PTPRT: variants seen among roughly 807,000 people sequenced by gnomAD.
The protein encoded by PTPRT is receptor-type tyrosine-protein phosphatase T.
A neutral mutation model predicts 176.8 loss-of-function variants in PTPRT; 56 were observed. The ratio of observed to expected loss-of-function variants is 0.32; its 90% CI spans 0.26 to 0.40. The LOEUF (loss-of-function observed/expected upper bound fraction) is 0.40. PTPRT is among the 10% of genes least tolerant of loss of function. PTPRT has a pLI of 1.00. For synonymous variants in PTPRT, 783 were observed against 739.0 expected (o/e 1.06, Z -0.96); for missense variants, 1,540 against 1,908.2 (o/e 0.81, Z 3.60).
At chr20:42,545,116 T>C (rs1421863095) in intron 7 of PTPRT, among the ~76,000 whole-genome samples, 1 of 152,198 alleles carries the variant, frequency 6.6e-6, no homozygotes, top group African/African-American at 2.4e-5. Context: ...ATTTAACTTC[T>C]GCCACTTCAG....
At chr20:42,920,616 A>G (rs1217996269) in intron 1 of PTPRT, among the ~76,000 whole-genome samples, 2 of 152,338 alleles carry the variant, frequency 1.3e-5, no homozygotes, top group African/African-American at 2.4e-5. Context: ...TCACATACAT[A>G]CAAAAAGATT....
In PTPRT at chr20:42,966,627, C is replaced by T. The variant is rs149503581; in HGVS notation, c.89-80695G>A. Among the ~76,000 whole-genome samples the T allele has an allele frequency of 5.1e-4, 78 of 152,302 alleles. 2 individuals are homozygous for T. In the East Asian group the frequency reaches 0.015, roughly 29 times the overall value. On this transcript the variant is annotated intron_variant, in intron 1 of 30. Transcript: ENST00000373187. ...GACGGTGGGTTTTAGAACATCTTCA[C>T]CTGGGTGTCAAGAGCAATCACATGT...
At chr20:42,364,077 A>G (rs6016761) in intron 9 of PTPRT, among the ~76,000 whole-genome samples, 11,243 of 152,150 alleles carry the variant, frequency 0.074, 591 homozygotes, top group African/African-American at 0.14. Flanking sequence ...AATCTGGAGA[A>G]TTAGGGGCGA....
Position 42,941,889 on chromosome 20 carries a change from T to G in PTPRT, c.89-55957A>C, listed in dbSNP as rs144791230. ...CAACATGATATTGGGCATGACATGC[T>G]TAAAAAGCATTGCTTTCAGTGGCCC... On this transcript the variant is annotated intron_variant, in intron 1 of 30. Transcript: ENST00000373187. 1.8e-3 allele frequency among the ~76,000 whole-genome samples: 275 copies of G among 152,280 alleles called. 1 individual carries two copies. The highest frequency in any genetic ancestry group is 6.5e-3 in the African/African-American group (269 of 41,554).
At chr20:42,516,485 C>T (rs993982552) in intron 7 of PTPRT, among the ~76,000 whole-genome samples, 13 of 152,090 alleles carry the variant, frequency 8.5e-5, no homozygotes, top group Non-Finnish European at 1.6e-4. Flanking sequence ...ACAGCTTGTT[C>T]ATTCTCTTTG....
chr20:42,800,754 G>A (rs972695434), intron 2 of PTPRT, among the ~76,000 whole-genome samples: 1 of 152,162 alleles, frequency 6.6e-6, no homozygotes, highest in Non-Finnish European at 1.5e-5. Context: ...GAAAGGGGGA[G>A]AAAAGACAGC....
chr20:42,389,852 C>T (rs903033373), intron 9 of PTPRT, among the ~76,000 whole-genome samples: 5 of 127,204 alleles, frequency 3.9e-5, no homozygotes, highest in Non-Finnish European at 8.5e-5. Context: ...AAAACCCTGT[C>T]AAAAAAAAAA....
intron 1 of PTPRT, among the ~76,000 whole-genome samples, chr20:43,125,252 G>A (rs527941584): frequency 3.1e-4 from 47 of 151,336 alleles, no homozygotes; most frequent in Non-Finnish European, 4.6e-4. Context: ...CACCCACCTC[G>A]GCCTCCCAAA....
At chr20:42,780,621 GC>G (rs2077201012) in intron 3 of PTPRT, among the ~76,000 whole-genome samples, 1 of 152,144 alleles carries the variant, frequency 6.6e-6, no homozygotes, top group African/African-American at 2.4e-5. Flanking sequence ...CAAGGGTCAA[GC>G]CACAACTTGA....
chr20:43,168,947 C>G (rs991037533), intron 1 of PTPRT, among the ~76,000 whole-genome samples: 2 of 152,210 alleles, frequency 1.3e-5, no homozygotes, highest in Non-Finnish European at 2.9e-5. Context: ...CTAACCCCCA[C>G]AGCAGACATG....
intron 11 of PTPRT, among the ~76,000 whole-genome samples, chr20:42,347,767 G>T (rs1307494507): frequency 6.6e-6 from 1 of 152,160 alleles, no homozygotes; most frequent in East Asian, 1.9e-4. Context: ...CCTGACTCCT[G>T]TCTCCTTGTT....
intron 6 of PTPRT, among the ~76,000 whole-genome samples, chr20:42,728,697 G>A (rs1373571572): frequency 6.6e-6 from 1 of 152,162 alleles, no homozygotes; most frequent in Non-Finnish European, 1.5e-5. Flanking sequence ...ACACGGAACT[G>A]AGCGAAGGGA....
chr20:42,140,312 G>A (rs1024432723), intron 18 of PTPRT, among the ~76,000 whole-genome samples: 2 of 152,076 alleles, frequency 1.3e-5, no homozygotes, highest in Admixed American at 6.5e-5. Context: ...GATGTCAAAA[G>A]GTCCAGGTTG....
At chr20:43,083,794 C>T (rs999062590) in intron 1 of PTPRT, among the ~76,000 whole-genome samples, 3 of 152,166 alleles carry the variant, frequency 2.0e-5, no homozygotes, top group African/African-American at 7.2e-5. Flanking sequence ...CTGTTCACAG[C>T]CATCCCTGTT....
At chr20:42,542,450 C>T (rs754080012) in intron 7 of PTPRT, among the ~76,000 whole-genome samples, 8 of 152,040 alleles carry the variant, frequency 5.3e-5, no homozygotes, top group Non-Finnish European at 7.4e-5. Flanking sequence ...AAATTCCAGA[C>T]ACATAAAATG....
chr20:42,799,946 G>T (rs1044720869), intron 2 of PTPRT, among the ~76,000 whole-genome samples: 1 of 152,208 alleles, frequency 6.6e-6, no homozygotes, highest in African/African-American at 2.4e-5. Flanking sequence ...CTCTGAAGAA[G>T]GGGTGGGAAG....
chr20:42,963,202 A>AAAAAAT (rs1465118578), intron 1 of PTPRT, among the ~76,000 whole-genome samples: 2 of 151,344 alleles, frequency 1.3e-5, no homozygotes, highest in East Asian at 3.9e-4. Flanking sequence ...CCGTCTCAAA[A>AAAAAAT]AAAAATAAAA....
At chr20:42,096,431 C>T (rs1985242317) in intron 27 of PTPRT, among the ~76,000 whole-genome samples, 1 of 152,050 alleles carries the variant, frequency 6.6e-6, no homozygotes. Context: ...GGTGAAACCC[C>T]ATCTCTACTA....
chr20:42,461,965 G>C lies in PTPRT; in HGVS notation c.1450+10301C>G, dbSNP rs554848284. Among the ~76,000 whole-genome samples the C allele has an allele frequency of 4.0e-5, 6 of 151,840 alleles. 1 individual carries two copies. The highest frequency in any genetic ancestry group is 3.9e-4 in the Admixed American group (6 of 15,262). ...TTACAAAGGGAAATTTTGATGTAGG[G>C]TGGAAAGGGGACAATTGCTGGAGCA... On this transcript the variant is annotated intron_variant, in intron 8 of 30. Coordinates refer to ENST00000373187, the MANE Select transcript of PTPRT (RefSeq NM_007050.6).
Sources: gnomAD v4.1 joint callset for allele counts (sites outside exome capture counted in the v4.1 genomes callset) on GRCh38, gnomAD v4.1.1 for gene constraint, MANE v1.5 for transcripts, NCBI Gene and HGNC (gene_info 2026-07-23, HGNC 2026-07-21) for gene names.